CRY2: variants seen among roughly 807,000 people sequenced by gnomAD.
CRY2 encodes cryptochrome-2.
In CRY2, 31 loss-of-function variants were observed where a neutral mutation model predicts 69.5. The observed-to-expected ratio is 0.45, with a 90% CI of 0.34 to 0.60. CRY2 has a LOEUF of 0.60. CRY2 is among the 20% of genes least tolerant of loss of function. The pLI is 0.02. For synonymous variants in CRY2, 303 were observed against 312.2 expected (o/e 0.97, Z 0.31); for missense variants, 606 against 797.8 (o/e 0.76, Z 2.90).
At chr11:45,877,462 T>C (rs536411255) in intron 11 of CRY2, among the ~76,000 whole-genome samples, 4 of 152,362 alleles carry the variant, frequency 2.6e-5, no homozygotes, top group East Asian at 3.9e-4. Context: ...GGCAGACTTA[T>C]ACACTTGGGT....
chr11:45,847,207 A>C (rs2086155323), upstream of CRY2: 5 of 1,549,638 alleles, frequency 3.2e-6, no homozygotes, highest in Non-Finnish European at 4.4e-6. Context: ...CTCCGCGGAC[A>C]GCCCCAGCCT....
Position 45,870,832 on chromosome 11 carries a change from T to C in CRY2, c.1550-10T>C. ...GACGGCACTCTGATTACTCCTCGCCTCTCTCCCAGGTCTACTGGCATCTGT... is the reference window on the plus strand; with the variant it reads ...GACGGCACTCTGATTACTCCTCGCCCCTCTCCCAGGTCTACTGGCATCTGT... On this transcript the variant is annotated splice_polypyrimidine_tract_variant and intron_variant, in intron 9 of 11. Transcript: ENST00000616080. 1 of 1,610,402 alleles carries C rather than the reference T, an allele frequency of 6.2e-7. No individual in the cohort carries two copies.
At chr11:45,867,542 C>T in intron 5 of CRY2, 70 bp from the exon 6 acceptor site, 1 of 1,594,580 alleles carries the variant, frequency 6.3e-7, no homozygotes, top group East Asian at 2.2e-5. Context: ...TCCTTAACCA[C>T]CCAATGCCTC....
In CRY2 at chr11:45,882,837, CT is replaced by C; in HGVS notation, c.*1930del. 2.5e-6 allele frequency: 1 copy of C among 397,726 alleles called. No individual in the cohort carries two copies. The highest frequency in any genetic ancestry group is 6.3e-4 in the Middle Eastern group (1 of 1,588). The allele number at this position is 397,726 out of a possible 1,614,324, so 24.6% of individuals were successfully genotyped here. On this transcript the variant is annotated 3_prime_UTR_variant, in exon 12 of 12. Coordinates refer to ENST00000616080, the MANE Select transcript of CRY2 (RefSeq NM_021117.5). ...GCGCCTTCGGGTAGCAGGATGATTC[CT>C]TTTCCTGCCTGTCTGCTGCTGGCTC...
At chr11:45,864,636 G>A (rs955373652) in intron 5 of CRY2, among the ~76,000 whole-genome samples, 1 of 152,000 alleles carries the variant, frequency 6.6e-6, no homozygotes, top group Non-Finnish European at 1.5e-5. Context: ...GGGAGGCCGA[G>A]GCAGGTGGAG....
intron 2 of CRY2, 106 bp from the exon 3 acceptor site, chr11:45,858,625 A>T (rs1380481717): frequency 1.1e-5 from 14 of 1,224,838 alleles, no homozygotes; most frequent in Non-Finnish European, 1.5e-5. Flanking sequence ...TGCCCATCAG[A>T]TAGGTCTCTA....
chr11:45,854,135 A>G (rs940004213), intron 1 of CRY2, among the ~76,000 whole-genome samples: 1 of 152,202 alleles, frequency 6.6e-6, no homozygotes, highest in African/African-American at 2.4e-5. Flanking sequence ...AGGGAATGTG[A>G]CTGTGATGTG....
At chr11:45,877,519 C>A (rs1440390904) in intron 11 of CRY2, among the ~76,000 whole-genome samples, 1 of 152,222 alleles carries the variant, frequency 6.6e-6, no homozygotes, top group Non-Finnish European at 1.5e-5. Flanking sequence ...GGCAAAGGTA[C>A]CCAGGAGGCC....
In CRY2 at chr11:45,872,286, G is replaced by T. The variant is rs552818791; in HGVS notation, c.*2+53G>T. 1.4e-4 allele frequency: 213 copies of T among 1,536,690 alleles called. 5 individuals carry two copies. The South Asian group carries it at 1.7e-3, about 12-fold the overall frequency. On this transcript the variant is annotated intron_variant, in intron 11 of 11. Transcript: ENST00000616080. The stretch of plus-strand genomic sequence containing the variant: ...TCAGGAAGGAAGTTGGGAGTGGGGG[G>T]GCCTACTGCCCTGCCAGCTGCAGGT...
intron 11 of CRY2, among the ~76,000 whole-genome samples, chr11:45,872,854 G>GC (rs1283966017): frequency 6.6e-6 from 1 of 152,170 alleles, no homozygotes; most frequent in Non-Finnish European, 1.5e-5. Context: ...GCTGCTCCAG[G>GC]CCCCCTGCTT....
intron 1 of CRY2, 96 bp from the exon 2 acceptor site, chr11:45,855,886 G>T: frequency 9.6e-7 from 1 of 1,043,330 alleles, no homozygotes; most frequent in Non-Finnish European, 1.5e-6. Context: ...GCTGCCTGTT[G>T]GGCATAAACA....
chr11:45,877,986 T>C (rs1317571588), intron 11 of CRY2, among the ~76,000 whole-genome samples: 1 of 152,222 alleles, frequency 6.6e-6, no homozygotes, highest in East Asian at 1.9e-4. Context: ...TCCAGGACAC[T>C]GCCCCCTCCC....
chr11:45,870,669 AC>A, intron 9 of CRY2, 137 bp downstream of exon 9: 1 of 1,192,808 alleles, frequency 8.4e-7, no homozygotes, highest in South Asian at 1.4e-5. Context: ...TGGGTATGGG[AC>A]ACTGCAGGCT....
chr11:45,864,995 A>G (rs2086318794), intron 5 of CRY2, among the ~76,000 whole-genome samples: 1 of 151,406 alleles, frequency 6.6e-6, no homozygotes, highest in South Asian at 2.1e-4. Context: ...CCTGACCGCA[A>G]GTGATCCTCC....
intron 5 of CRY2, among the ~76,000 whole-genome samples, chr11:45,866,664 A>G (rs2086332803): frequency 6.6e-6 from 1 of 152,196 alleles, no homozygotes; most frequent in Admixed American, 6.5e-5. Flanking sequence ...CATGTCTACT[A>G]AAAATACAAA....
At position 45,881,782 on chromosome 11, in the gene CRY2, A is replaced by C. The variant is rs551898504; in HGVS notation, c.*871A>C. 6.6e-6 allele frequency: 1 copy of C among 152,286 alleles called. No individual in the cohort carries two copies. Among genetic ancestry groups the C allele is most frequent in the African/African-American group, 2.4e-5 (1 of 41,576 alleles). 9.4% of individuals were successfully genotyped at this position (152,286 alleles called of 1,614,324 possible). On this transcript the variant is annotated 3_prime_UTR_variant, in exon 12 of 12. Coordinates refer to ENST00000616080, the MANE Select transcript of CRY2 (RefSeq NM_021117.5). ...GGCAAGGGTCAAACTGACTCACTCT[A>C]CCAGGAGGAGACCAGGTTGCAGTGG...
intron 1 of CRY2, among the ~76,000 whole-genome samples, chr11:45,855,492 C>T (rs4756035): frequency 0.89 from 135,416 of 152,188 alleles, 60,954 homozygotes; most frequent in Non-Finnish European, 0.94. Context: ...ATGGCTCCCA[C>T]GTGAGTCTCA....
chr11:45,862,122 C>G lies in CRY2; in HGVS notation c.715C>G (p.Arg239Gly). Reference sequence around the variant, plus strand: ...GGGAGGAGAGACAGAAGCTCTGGCCCGCCTGGATAAGCACTTGGAACGGAA... The same window carrying G: ...GGGAGGAGAGACAGAAGCTCTGGCCGGCCTGGATAAGCACTTGGAACGGAA... ...WQGGETEALA[R>G]LDKHLERKAW... is the part of the protein sequence containing the mutation. Residue 239 changes from arginine to glycine, a missense_variant, in exon 5 of 12, where the codon CGC (arginine) becomes GGC (glycine). This residue lies in a region of CRY2 where 382 missense variants were observed against 508.9 expected (regional missense o/e 0.75). Transcript: ENST00000616080. 2.5e-6 allele frequency: 4 copies of G among 1,613,866 alleles called. No homozygotes were observed. Among genetic ancestry groups the G allele is most frequent in the Admixed American group, 3.3e-5 (2 of 59,958 alleles).
intron 3 of CRY2, among the ~76,000 whole-genome samples, chr11:45,859,333 A>AGAGGCCAAAGT (rs1326581484): frequency 7.9e-5 from 12 of 151,800 alleles, no homozygotes. Flanking sequence ...CAGCACTTTG[A>AGAGGCCAAAGT]GAGGATCACA....
Sources: allele counts gnomAD v4.1 joint callset (sites outside exome capture counted in the v4.1 genomes callset), GRCh38; gene constraint gnomAD v4.1.1; regional missense constraint gnomAD v4.1.1; transcripts MANE v1.5; gene names NCBI Gene and HGNC (gene_info 2026-07-23, HGNC 2026-07-21).